CPLANE1: variants seen among roughly 807,000 people sequenced by gnomAD.
CPLANE1 encodes ciliogenesis and planar polarity effector 1.
Under a neutral mutation model 362.5 loss-of-function variants are expected in CPLANE1, and 263 were observed. That is an observed-to-expected ratio of 0.73 (90% CI 0.66 to 0.80). The LOEUF is 0.80. Ranked by LOEUF, CPLANE1 falls within the 30% of genes least tolerant of loss-of-function variation. The pLI is 0.00. For synonymous variants in CPLANE1, 1,212 were observed against 1,302.6 expected (o/e 0.93, Z 1.50); for missense variants, 3,461 against 3,793.4 (o/e 0.91, Z 2.30).
Position 37,245,773 on chromosome 5 carries a change from T to C in CPLANE1, c.154A>G (p.Lys52Glu). The C allele has an allele frequency of 6.5e-7, 1 of 1,536,756 alleles. No individual in the cohort carries two copies. Among genetic ancestry groups the C allele is most frequent in the Non-Finnish European group, 8.8e-7 (1 of 1,142,452 alleles). Residue 52 changes from lysine to glutamate, a missense_variant, in exon 3 of 53, where the codon AAG becomes GAG. Lys to Glu is a moderately conservative substitution (Grantham distance 56, BLOSUM62 1). Transcript: ENST00000651892. ...AAAGGCTGCAGACTAGGAATTTTCT[T>C]CTTTATCTTTCCTGATAGCAAATTA... Reference protein sequence around the residue: ...EINLLSGKIKKKIPSLQPFLK... With the variant: ...EINLLSGKIKEKIPSLQPFLK...
chr5:37,091,906 C>A, the CPLANE1 span, among the ~76,000 whole-genome samples: 7 of 152,132 alleles, frequency 4.6e-5, no homozygotes, highest in African/African-American at 1.4e-4. Context: ...TGACACAAGC[C>A]CCGGACGTCA....
chr5:37,081,780 T>C, the CPLANE1 span, among the ~76,000 whole-genome samples: 87,209 of 151,978 alleles, frequency 0.57, 27,252 homozygotes, highest in African/African-American at 0.84. Flanking sequence ...AAAAGGAACT[T>C]AAACCTACAC....
chr5:37,113,227 G>A (rs1410843936), intron 51 of CPLANE1, among the ~76,000 whole-genome samples: 4 of 152,202 alleles, frequency 2.6e-5, no homozygotes, highest in African/African-American at 4.8e-5. Context: ...GGACCAGGTG[G>A]GAGGTAATTG....
At chr5:37,091,733 G>C in the CPLANE1 span, among the ~76,000 whole-genome samples, 9 of 152,268 alleles carry the variant, frequency 5.9e-5, no homozygotes, top group East Asian at 1.5e-3. Context: ...TTGTTAATGT[G>C]GGGAAGAGGG....
intron 20 of CPLANE1, among the ~76,000 whole-genome samples, chr5:37,196,938 GA>G (rs925391909): frequency 1.1e-4 from 15 of 139,890 alleles, no homozygotes; most frequent in South Asian, 2.3e-4. Context: ...AAGAAAAAAG[GA>G]AAAAAAAAAA....
rs1404726579 is a variant in CPLANE1, at chr5:37,213,669, C to G, written c.2810G>C (p.Arg937Thr). The G allele has an allele frequency of 6.5e-7, 1 of 1,543,568 alleles. No individual in the cohort carries two copies. The highest frequency in any genetic ancestry group is 8.8e-7 in the Non-Finnish European group (1 of 1,141,828). ...GAAACGAGCCATGGACTGGACGACTCTCACTGCTGCCTCAGGATGAACACC... is the reference window on the plus strand; with the variant it reads ...GAAACGAGCCATGGACTGGACGACTGTCACTGCTGCCTCAGGATGAACACC... ...VGGVHPEAAV[R>T]VVQSMARFMA... Residue 937 changes from arginine (R) to threonine (T), a missense_variant, in exon 16 of 53, where the codon AGA becomes ACA. By Grantham distance (71) the Arg-to-Thr change is moderately conservative. Around this residue, in one of 2 missense-constraint regions of CPLANE1, gnomAD observed 3,380 missense variants for 3,666.1 expected, o/e 0.92. Transcript: ENST00000651892.
chr5:37,233,964 G>A (rs1468277368), intron 8 of CPLANE1, among the ~76,000 whole-genome samples: 1 of 152,146 alleles, frequency 6.6e-6, no homozygotes, highest in Non-Finnish European at 1.5e-5. Context: ...AATCACAGGT[G>A]CCACCAACCC....
At chr5:37,176,007 G>C (rs1316090888) in intron 30 of CPLANE1, 21 bp from the exon 31 acceptor site, 2 of 1,524,544 alleles carry the variant, frequency 1.3e-6, no homozygotes, top group Non-Finnish European at 1.8e-6. Flanking sequence ...AAATTAACAG[G>C]TGATTAGTAA....
intron 46 of CPLANE1, among the ~76,000 whole-genome samples, chr5:37,127,303 C>T (rs747862897): frequency 4.6e-4 from 70 of 152,174 alleles, no homozygotes; most frequent in Non-Finnish European, 8.4e-4. Context: ...GTCAGATCTA[C>T]ATCAGCACTG....
intron 50 of CPLANE1, among the ~76,000 whole-genome samples, chr5:37,115,279 A>C (rs1460600266): frequency 6.6e-6 from 1 of 152,208 alleles, no homozygotes; most frequent in East Asian, 1.9e-4. Flanking sequence ...TCCTTCAAGC[A>C]CAGCCATACT....
chr5:37,208,911 AG>A (rs1378597502), intron 16 of CPLANE1, among the ~76,000 whole-genome samples: 6 of 151,550 alleles, frequency 4.0e-5, no homozygotes, highest in Middle Eastern at 3.4e-3. Context: ...TGTTCATTGC[AG>A]TTAGGATAAA....
At chr5:37,141,196 T>C in intron 44 of CPLANE1, 1 of 985,354 alleles carries the variant, frequency 1.0e-6, no homozygotes, top group Non-Finnish European at 1.2e-6. Context: ...CTCCATTCTA[T>C]TTTTCCTCAA....
At chr5:37,088,358 GACAA>G in the CPLANE1 span, among the ~76,000 whole-genome samples, 159 of 152,290 alleles carry the variant, frequency 1.0e-3, no homozygotes, top group African/African-American at 3.7e-3. Context: ...TAGGAACTGA[GACAA>G]ACAAAGCCAA....
chr5:37,186,277 AAAT>A lies in CPLANE1; in HGVS notation c.4189+6_4189+8del. 1 of 1,329,706 alleles carries A rather than the reference AAAT, an allele frequency of 7.5e-7. No homozygotes were observed. The highest frequency in any genetic ancestry group is 1.8e-4 in the Middle Eastern group (1 of 5,464). 82.4% of individuals were successfully genotyped at this position (1,329,706 alleles called of 1,614,324 possible). On this transcript the variant is annotated splice_donor_region_variant and intron_variant, in intron 24 of 52. Transcript: ENST00000651892. ...ATCTGTTAGCTATCTGAGAAACAAC[AAAT>A]AATACCTTTCACAACACAGTGTCTG...
At chr5:37,225,086 T>G (rs1380817220) in intron 12 of CPLANE1, among the ~76,000 whole-genome samples, 1 of 151,272 alleles carries the variant, frequency 6.6e-6, no homozygotes, top group Non-Finnish European at 1.5e-5. Flanking sequence ...CACTCCAGCC[T>G]GGGAGACAGG....
At chr5:37,113,520 C>A (rs1441572461) in intron 51 of CPLANE1, among the ~76,000 whole-genome samples, 1 of 152,080 alleles carries the variant, frequency 6.6e-6, no homozygotes, top group Non-Finnish European at 1.5e-5. Context: ...AATGATGCTT[C>A]GAGGATTCAA....
At chr5:37,085,664 C>G in the CPLANE1 span, 1 of 1,079,144 alleles carries the variant, frequency 9.3e-7, no homozygotes, top group South Asian at 1.2e-5. Flanking sequence ...AGAGAGGCAC[C>G]CTGGATCTTT....
chr5:37,212,427 C>A, intron 16 of CPLANE1: 2 of 728,958 alleles, frequency 2.7e-6, no homozygotes, highest in Non-Finnish European at 5.2e-6. Flanking sequence ...TGAGAAATTA[C>A]ATAACATTTA....
chr5:37,114,898 CAAA>C (rs11286555), intron 51 of CPLANE1, 59 bp downstream of exon 51: 888 of 854,622 alleles, frequency 1.0e-3, no homozygotes, highest in African/African-American at 1.2e-3. Context: ...GACTCTGTCT[CAAA>C]AAAAAAAAAA....
Sources: allele counts gnomAD v4.1 joint callset (sites outside exome capture counted in the v4.1 genomes callset), GRCh38; gene constraint gnomAD v4.1.1; regional missense constraint gnomAD v4.1.1; transcripts MANE v1.5; gene names NCBI Gene and HGNC (gene_info 2026-07-23, HGNC 2026-07-21).